CDH18: variants seen among roughly 807,000 people sequenced by gnomAD.
CDH18 encodes cadherin 18, also known as cadherin-18.
CDH18 carries 31 observed loss-of-function variants against 67.9 expected under a neutral mutation model. That is an observed-to-expected ratio of 0.46 (90% CI 0.34 to 0.62). The LOEUF is 0.62. Ranked by LOEUF, CDH18 falls within the 20% of genes least tolerant of loss-of-function variation. The pLI is 0.01. For missense variants in CDH18, 890 were observed against 975.5 expected (o/e 0.91, Z 1.17); for synonymous variants, 362 against 347.2 (o/e 1.04, Z -0.48).
intron 3 of CDH18, among the ~76,000 whole-genome samples, chr5:19,777,287 A>T (rs952614651): frequency 7.2e-5 from 11 of 152,214 alleles, no homozygotes; most frequent in African/African-American, 2.4e-4. Context: ...TCTCAAAAAT[A>T]AAAGAAAAAA....
rs192266305 is a variant in CDH18, at chr5:20,262,827, C to T, written c.-579-7322G>A. Among the ~76,000 whole-genome samples the T allele has an allele frequency of 5.9e-5, 9 of 151,876 alleles. No individual in the cohort carries two copies. In the East Asian group the frequency reaches 1.7e-3, roughly 29 times the overall value. ...AAGTAATTAATTGATTTGAGAAACA[C>T]TGGTGCCTTTGCATACATCAAGGAA... On this transcript the variant is annotated intron_variant, in intron 1 of 14. Coordinates refer to the CDH18 transcript ENST00000507958.
intron 2 of CDH18, among the ~76,000 whole-genome samples, chr5:20,114,616 T>A (rs1747740205): frequency 6.6e-6 from 1 of 152,078 alleles, no homozygotes; most frequent in Admixed American, 6.6e-5. Context: ...AAGAAAAAAA[T>A]CATTTTAATA....
At chr5:20,080,115 A>C in intron 2 of CDH18, among the ~76,000 whole-genome samples, 1 of 152,296 alleles carries the variant, frequency 6.6e-6, no homozygotes. Flanking sequence ...ATATATGCAC[A>C]CTATATTTAT....
intron 3 of CDH18, among the ~76,000 whole-genome samples, chr5:19,803,650 G>A (rs1010297189): frequency 5.3e-5 from 8 of 152,180 alleles, no homozygotes; most frequent in African/African-American, 1.9e-4. Context: ...GTCATTCATC[G>A]AGGTAATCCA....
chr5:20,231,870 T>A (rs1561896962), intron 2 of CDH18, among the ~76,000 whole-genome samples: 1 of 152,086 alleles, frequency 6.6e-6, no homozygotes, highest in African/African-American at 2.4e-5. Flanking sequence ...TACATGAATG[T>A]CTGTACTATA....
At chr5:19,905,273 G>C (rs753525062) in intron 2 of CDH18, among the ~76,000 whole-genome samples, 1 of 152,078 alleles carries the variant, frequency 6.6e-6, no homozygotes, top group African/African-American at 2.4e-5. Flanking sequence ...AATCTTGCAG[G>C]TTGGTTTTGT....
At chr5:19,828,985 C>G (rs550436513) in intron 3 of CDH18, among the ~76,000 whole-genome samples, 2 of 152,234 alleles carry the variant, frequency 1.3e-5, no homozygotes, top group East Asian at 3.9e-4. Context: ...TTGCAGTGAG[C>G]CAAGATCATG....
At chr5:19,652,124 A>C (rs1755665180) in intron 5 of CDH18, among the ~76,000 whole-genome samples, 1 of 151,898 alleles carries the variant, frequency 6.6e-6, no homozygotes, top group Admixed American at 6.6e-5. Flanking sequence ...TTATTACTTA[A>C]ATTTTTTTCT....
At chr5:19,566,526 G>A (rs1740424319) in intron 8 of CDH18, among the ~76,000 whole-genome samples, 1 of 152,194 alleles carries the variant, frequency 6.6e-6, no homozygotes, top group Non-Finnish European at 1.5e-5. Context: ...GGCACGTCTT[G>A]CGTGGGGGCA....
chr5:20,034,554 A>C lies in CDH18; in HGVS notation c.-517-42540T>G, dbSNP rs1739674349. On this transcript the variant is annotated intron_variant, in intron 2 of 14. Coordinates refer to the CDH18 transcript ENST00000507958. ...TGTGTAAAGCAGATTGCCTTTTCCA[A>C]TATTGGTTGGCCTCATTCAATCCAT... 1.3e-5 allele frequency among the ~76,000 whole-genome samples: 2 copies of C among 152,028 alleles called. 1 individual carries two copies. Among genetic ancestry groups the C allele is most frequent in the South Asian group, 4.1e-4 (2 of 4,834 alleles).
At chr5:20,362,064 C>T (rs1007210169) in intron 1 of CDH18, among the ~76,000 whole-genome samples, 2 of 152,032 alleles carry the variant, frequency 1.3e-5, no homozygotes, top group African/African-American at 2.4e-5. Flanking sequence ...GGGAAGTATA[C>T]GTACATATTC....
intron 2 of CDH18, among the ~76,000 whole-genome samples, chr5:20,234,937 T>A (rs1312929565): frequency 6.6e-6 from 1 of 152,084 alleles, no homozygotes; most frequent in Non-Finnish European, 1.5e-5. Context: ...GGGGAAAGTA[T>A]TCAGTCTACA....
intron 11 of CDH18, among the ~76,000 whole-genome samples, chr5:19,493,003 C>T (rs1040739388): frequency 1.3e-5 from 2 of 152,082 alleles, no homozygotes; most frequent in Non-Finnish European, 2.9e-5. Context: ...TGCTACATTT[C>T]CCTCTCTAGA....
chr5:19,748,086 C>A (rs1428595926), intron 3 of CDH18, among the ~76,000 whole-genome samples: 1 of 94,104 alleles, frequency 1.1e-5, no homozygotes, highest in Non-Finnish European at 1.9e-5. Flanking sequence ...GCACTCCAGG[C>A]TGGGAGACAG....
At chr5:19,975,017 G>A (rs1798370942) in intron 2 of CDH18, among the ~76,000 whole-genome samples, 1 of 152,218 alleles carries the variant, frequency 6.6e-6, no homozygotes, top group African/African-American at 2.4e-5. Context: ...CTGTGCAGTA[G>A]GCCAAGAAGG....
chr5:19,593,385 C>T (rs1042729411), intron 6 of CDH18, among the ~76,000 whole-genome samples: 7 of 152,014 alleles, frequency 4.6e-5, no homozygotes, highest in Non-Finnish European at 8.8e-5. Context: ...TGTTATCATA[C>T]TGTAGTTTTG....
intron 3 of CDH18, among the ~76,000 whole-genome samples, chr5:19,820,193 C>G (rs941370096): frequency 6.6e-6 from 1 of 152,278 alleles, no homozygotes; most frequent in African/African-American, 2.4e-5. Flanking sequence ...CCTCTCTCCA[C>G]AAAACCAGAC....
At chr5:20,083,580 C>G (rs192155215) in intron 2 of CDH18, among the ~76,000 whole-genome samples, 1 of 152,096 alleles carries the variant, frequency 6.6e-6, no homozygotes, top group Non-Finnish European at 1.5e-5. Flanking sequence ...CTCCTCAGGC[C>G]CCCTATTCAC....
intron 2 of CDH18, among the ~76,000 whole-genome samples, chr5:19,975,310 T>C (rs914183834): frequency 3.9e-5 from 6 of 152,184 alleles, no homozygotes; most frequent in Non-Finnish European, 7.4e-5. Flanking sequence ...CAAAATAATA[T>C]ACTTTTATGT....
Sources: allele counts gnomAD v4.1 joint callset (sites outside exome capture counted in the v4.1 genomes callset), GRCh38; gene constraint gnomAD v4.1.1; transcripts MANE v1.5; gene names NCBI Gene and HGNC (gene_info 2026-07-23, HGNC 2026-07-21).